Variants in GPR39 observed in about 807,000 individuals in gnomAD.
GPR39 encodes the protein G protein-coupled receptor 39, also known as zinc sensing receptor.
GPR39 carries 23 observed loss-of-function variants against 18.4 expected under a neutral mutation model. That is an observed-to-expected ratio of 1.25 (90% confidence interval 0.90 to 1.77). GPR39 has a LOEUF of 1.77. GPR39 is among the 40% of genes most tolerant of loss of function. The pLI is 0.00. For missense variants in GPR39, 647 were observed against 602.4 expected, an observed-to-expected ratio of 1.07 and a Z score of -0.78; for synonymous variants, 280 against 257.9, an observed-to-expected ratio of 1.09 and a Z score of -0.82.
At chr2:132,535,498 A>T (rs1474824434) in intron 1 of GPR39, among the ~76,000 whole-genome samples, 1 of 152,148 alleles carries the variant, frequency 6.6e-6, no homozygotes, top group Non-Finnish European at 1.5e-5. Flanking sequence ...ATCGATGTTC[A>T]TCAGGGATAT....
chr2:132,467,160 G>T (rs1174244602), intron 1 of GPR39, among the ~76,000 whole-genome samples: 2 of 152,154 alleles, frequency 1.3e-5, no homozygotes, highest in Non-Finnish European at 2.9e-5. Context: ...TTATGGGAGG[G>T]CCAAGAGGAG....
At chr2:132,573,886 C>A (rs1573675613) in intron 1 of GPR39, among the ~76,000 whole-genome samples, 1 of 152,224 alleles carries the variant, frequency 6.6e-6, no homozygotes, top group African/African-American at 2.4e-5. Context: ...GACATTTTTG[C>A]AGCCCCAGCA....
chr2:132,508,449 G>C (rs1268681044), intron 1 of GPR39, among the ~76,000 whole-genome samples: 1 of 152,096 alleles, frequency 6.6e-6, no homozygotes, highest in Non-Finnish European at 1.5e-5. Flanking sequence ...GGGTGGGTTA[G>C]TAGAAGGGCT....
At chr2:132,521,708 C>T (rs867219647) in intron 1 of GPR39, among the ~76,000 whole-genome samples, 1 of 152,326 alleles carries the variant, frequency 6.6e-6, no homozygotes, top group Admixed American at 6.5e-5. Flanking sequence ...CTTTTCCCCC[C>T]CTTATTAAAC....
At chr2:132,524,133 C>G (rs936325658) in intron 1 of GPR39, among the ~76,000 whole-genome samples, 1 of 152,186 alleles carries the variant, frequency 6.6e-6, no homozygotes, top group African/African-American at 2.4e-5. Context: ...AAGCTGTCAC[C>G]TCAGTCACAG....
At chr2:132,505,320 A>C (rs1235503162) in intron 1 of GPR39, among the ~76,000 whole-genome samples, 2 of 152,166 alleles carry the variant, frequency 1.3e-5, no homozygotes, top group African/African-American at 4.8e-5. Flanking sequence ...ATTTTGTTGC[A>C]TGCATAGAAT....
At chr2:132,439,564 A>C (rs1453050788) in intron 1 of GPR39, among the ~76,000 whole-genome samples, 1 of 152,182 alleles carries the variant, frequency 6.6e-6, no homozygotes, top group Non-Finnish European at 1.5e-5. Flanking sequence ...GAAAACAGAG[A>C]GTTGAAGGAG....
In GPR39 at chr2:132,645,165, G is replaced by C; in HGVS notation, c.921G>C (p.Ala307=). 6.2e-7 allele frequency: 1 copy of C among 1,614,136 alleles called. No individual in the cohort carries two copies. Among genetic ancestry groups the C allele is most frequent in the East Asian group, 2.2e-5 (1 of 44,872 alleles). ...MPNQIRRIMA[A]AKPKHDWTRS... ...ACCAGATTCGGAGGATCATGGCTGC[G>C]GCCAAACCCAAGCACGACTGGACGA... Residue 307 remains alanine (A), a synonymous_variant, in exon 2 of 2, where the codon GCG becomes GCC. Transcript: ENST00000329321.
intron 1 of GPR39, among the ~76,000 whole-genome samples, chr2:132,525,479 A>G (rs1349772174): frequency 6.6e-6 from 1 of 152,232 alleles, no homozygotes; most frequent in Non-Finnish European, 1.5e-5. Flanking sequence ...TGATGCATGC[A>G]CGTATCTCAA....
chr2:132,631,099 A>G (rs1356095823), intron 1 of GPR39, among the ~76,000 whole-genome samples: 1 of 152,158 alleles, frequency 6.6e-6, no homozygotes, highest in African/African-American at 2.4e-5. Flanking sequence ...GGGAGAGGGA[A>G]AAAGAAGGGA....
At chr2:132,545,563 G>A (rs1679931889) in intron 1 of GPR39, among the ~76,000 whole-genome samples, 1 of 152,094 alleles carries the variant, frequency 6.6e-6, no homozygotes, top group Non-Finnish European at 1.5e-5. Context: ...GGCTATATCT[G>A]TCCCTGTTCC....
chr2:132,520,938 T>A (rs1276233621), intron 1 of GPR39, among the ~76,000 whole-genome samples: 1 of 152,220 alleles, frequency 6.6e-6, no homozygotes, highest in African/African-American at 2.4e-5. Context: ...CAATCTGTTG[T>A]AAGTAGAAGA....
At chr2:132,478,309 A>T (rs1681168450) in intron 1 of GPR39, among the ~76,000 whole-genome samples, 1 of 152,254 alleles carries the variant, frequency 6.6e-6, no homozygotes, top group Non-Finnish European at 1.5e-5. Context: ...TGCCGGGCAC[A>T]GGATAGGTTC....
At chr2:132,418,854 A>G (rs1044457374) in intron 1 of GPR39, among the ~76,000 whole-genome samples, 3 of 152,186 alleles carry the variant, frequency 2.0e-5, no homozygotes, top group African/African-American at 7.2e-5. Flanking sequence ...GTGAATCAAA[A>G]AGGAATAGAT....
chr2:132,554,677 G>A (rs535766376), intron 1 of GPR39, among the ~76,000 whole-genome samples: 2 of 152,292 alleles, frequency 1.3e-5, no homozygotes, highest in South Asian at 2.1e-4. Flanking sequence ...TATATTTGGA[G>A]AGGGGGCAGA....
chr2:132,513,945 A>T (rs1158047263), intron 1 of GPR39, among the ~76,000 whole-genome samples: 1 of 152,204 alleles, frequency 6.6e-6, no homozygotes, highest in Non-Finnish European at 1.5e-5. Context: ...TATTCAATTT[A>T]AACTAAGTTA....
chr2:132,436,855 G>A (rs987940652), intron 1 of GPR39, among the ~76,000 whole-genome samples: 3 of 152,190 alleles, frequency 2.0e-5, no homozygotes, highest in African/African-American at 7.2e-5. Context: ...GCGTGGTTAT[G>A]TGGATCATTG....
chr2:132,457,271 C>T (rs1425208896), intron 1 of GPR39, among the ~76,000 whole-genome samples: 1 of 152,198 alleles, frequency 6.6e-6, no homozygotes, highest in Non-Finnish European at 1.5e-5. Context: ...TTGATGGAAT[C>T]AGCTATTGAA....
chr2:132,487,399 A>G (rs901404925), intron 1 of GPR39, among the ~76,000 whole-genome samples: 1 of 152,222 alleles, frequency 6.6e-6, no homozygotes, highest in African/African-American at 2.4e-5. Flanking sequence ...GTGTTGCCAC[A>G]TGTCTTCAAT....
Sources: allele counts gnomAD v4.1 joint callset (sites outside exome capture counted in the v4.1 genomes callset), GRCh38; gene constraint gnomAD v4.1.1; transcripts MANE v1.5; gene names NCBI Gene and HGNC (gene_info 2026-07-23, HGNC 2026-07-21).